The following PTPRD variants were observed in gnomAD, a reference collection of about 807,000 sequenced individuals.
PTPRD encodes protein tyrosine phosphatase receptor type D, also known as receptor-type tyrosine-protein phosphatase delta.
PTPRD carries 34 observed loss-of-function variants against 214.5 expected under a neutral mutation model. The observed-to-expected ratio is 0.16, with a 90% CI of 0.12 to 0.21. The LOEUF is 0.21. PTPRD is among the 10% of genes least tolerant of loss of function. PTPRD has a pLI of 1.00. For synonymous variants in PTPRD, 1,128 were observed against 845.7 expected (o/e 1.33, Z -5.79); for missense variants, 2,545 against 2,398.7 (o/e 1.06, Z -1.27).
At chr9:10,445,426 G>A (rs2098791887) in intron 2 of PTPRD, among the ~76,000 whole-genome samples, 1 of 152,082 alleles carries the variant, frequency 6.6e-6, no homozygotes, top group African/African-American at 2.4e-5. Flanking sequence ...GAAGTAAATG[G>A]AGGTCTACAC....
At chr9:9,707,481 A>G (rs954514419) in intron 7 of PTPRD, among the ~76,000 whole-genome samples, 1 of 152,178 alleles carries the variant, frequency 6.6e-6, no homozygotes. Context: ...TTGATGTACA[A>G]TAGAACCGGT....
At chr9:10,370,155 CAGT>C (rs1210884441) in intron 2 of PTPRD, among the ~76,000 whole-genome samples, 1 of 152,036 alleles carries the variant, frequency 6.6e-6, no homozygotes, top group Non-Finnish European at 1.5e-5. Context: ...GTTTGCTTAT[CAGT>C]AGGACGTTGT....
intron 10 of PTPRD, among the ~76,000 whole-genome samples, chr9:9,137,775 G>A (rs915095071): frequency 6.6e-6 from 1 of 152,002 alleles, no homozygotes; most frequent in African/African-American, 2.4e-5. Context: ...CTGGATTCCT[G>A]GTGCATCCAT....
chr9:9,033,240 C>G (rs2099611282), intron 10 of PTPRD, among the ~76,000 whole-genome samples: 1 of 152,046 alleles, frequency 6.6e-6, no homozygotes, highest in Non-Finnish European at 1.5e-5. Flanking sequence ...GAATGTGTGA[C>G]AGAGTTAGAA....
chr9:10,343,618 C>A (rs953917927), intron 2 of PTPRD, among the ~76,000 whole-genome samples: 1 of 152,138 alleles, frequency 6.6e-6, no homozygotes, highest in African/African-American at 2.4e-5. Flanking sequence ...TTCTATTTCT[C>A]CACAACATCT....
intron 2 of PTPRD, among the ~76,000 whole-genome samples, chr9:10,531,611 G>A (rs888560080): frequency 6.6e-6 from 1 of 152,136 alleles, no homozygotes; most frequent in African/African-American, 2.4e-5. Flanking sequence ...AGTGGTGAAA[G>A]GGAAGTTCTC....
At chr9:10,535,636 A>T (rs1017022846) in intron 2 of PTPRD, among the ~76,000 whole-genome samples, 2 of 152,138 alleles carry the variant, frequency 1.3e-5, no homozygotes, top group African/African-American at 4.8e-5. Flanking sequence ...AGCCACAAGG[A>T]TATTTCACAG....
intron 11 of PTPRD, among the ~76,000 whole-genome samples, chr9:8,929,721 A>ATATATATATGTGTG (rs2098931741): frequency 1.3e-4 from 10 of 77,388 alleles, no homozygotes; most frequent in African/African-American, 4.5e-4. Context: ...ATATATGTGT[A>ATATATATATGTGTG]TATATATATG....
chr9:10,276,145 T>C lies in PTPRD; in HGVS notation c.-545+64818A>G, dbSNP rs574434127. 6.6e-5 allele frequency among the ~76,000 whole-genome samples: 10 copies of C among 152,326 alleles called. No individual in the cohort carries two copies. In the South Asian group the frequency reaches 1.7e-3, roughly 25 times the overall value. ...AGATAGTAACCATAGAAAATGAATA[T>C]TACAAAACAGTCATTTCAAAAAATA... On this transcript the variant is annotated intron_variant, in intron 3 of 45. Transcript: ENST00000381196.
intron 4 of PTPRD, among the ~76,000 whole-genome samples, chr9:9,951,585 C>A (rs2093458430): frequency 1.3e-5 from 2 of 152,220 alleles, no homozygotes; most frequent in Non-Finnish European, 2.9e-5. Flanking sequence ...GTTTCCCCTC[C>A]CCTTGCCTGG....
chr9:9,868,529 A>G (rs1401961597), intron 5 of PTPRD, among the ~76,000 whole-genome samples: 1 of 152,018 alleles, frequency 6.6e-6, no homozygotes, highest in African/African-American at 2.4e-5. Flanking sequence ...TTCAGGAAAT[A>G]TAGCTTGAGA....
chr9:9,635,679 C>A (rs1424393426), intron 7 of PTPRD, among the ~76,000 whole-genome samples: 2 of 152,184 alleles, frequency 1.3e-5, no homozygotes, highest in African/African-American at 4.8e-5. Context: ...AGAGTCTCAA[C>A]ATGGTTCATT....
rs143665617 is a variant in PTPRD, at chr9:9,809,999, T to A, written c.-367-43148A>T. Among the ~76,000 whole-genome samples, 348 of 152,136 alleles carry A rather than the reference T, an allele frequency of 2.3e-3. 3 individuals are homozygous for A. The highest frequency in any genetic ancestry group is 8.1e-3 in the African/African-American group (336 of 41,510). ...TGAGTTCACATATATGTGGATTTTT[T>A]CCAATAAAAGTTATACCAAGTGTGC... On this transcript the variant is annotated intron_variant, in intron 5 of 45. Coordinates refer to ENST00000381196, the MANE Select transcript of PTPRD (RefSeq NM_002839.4).
At chr9:10,459,517 A>G (rs2098942946) in intron 2 of PTPRD, among the ~76,000 whole-genome samples, 1 of 152,160 alleles carries the variant, frequency 6.6e-6, no homozygotes, top group Non-Finnish European at 1.5e-5. Context: ...ACTCCCACCA[A>G]CAGTGTAAAA....
intron 10 of PTPRD, among the ~76,000 whole-genome samples, chr9:9,034,102 A>G (rs2099614125): frequency 6.6e-6 from 1 of 152,154 alleles, no homozygotes; most frequent in Non-Finnish European, 1.5e-5. Flanking sequence ...AATTTTATTT[A>G]CAAGTCACAT....
chr9:8,666,894 T>C (rs1051293146), intron 12 of PTPRD, among the ~76,000 whole-genome samples: 1 of 152,126 alleles, frequency 6.6e-6, no homozygotes, highest in South Asian at 2.1e-4. Context: ...AACTTAATAT[T>C]TTCACACTAG....
In PTPRD at chr9:9,068,304, T is replaced by G. The variant is rs978493411; in HGVS notation, c.-142-49569A>C. Among the ~76,000 whole-genome samples, 4 of 152,184 alleles carry G rather than the reference T, an allele frequency of 2.6e-5. No individual in the cohort carries two copies. The South Asian group carries it at 8.3e-4, about 32-fold the overall frequency. Reference sequence around the variant, plus strand: ...TTAGCTACTAGAAATAAAATTTCTTTGAACATTTATGTACAGGTCTGTGTT... The same window carrying G: ...TTAGCTACTAGAAATAAAATTTCTTGGAACATTTATGTACAGGTCTGTGTT... On this transcript the variant is annotated intron_variant, in intron 10 of 45. Transcript: ENST00000381196.
At chr9:10,351,817 C>T (rs980587675) in intron 2 of PTPRD, among the ~76,000 whole-genome samples, 4 of 151,864 alleles carry the variant, frequency 2.6e-5, no homozygotes, top group Non-Finnish European at 2.9e-5. Flanking sequence ...AGGCCTAGAA[C>T]ATAATAGACA....
intron 11 of PTPRD, among the ~76,000 whole-genome samples, chr9:8,790,291 C>G (rs2096174305): frequency 6.6e-6 from 1 of 152,168 alleles, no homozygotes; most frequent in South Asian, 2.1e-4. Flanking sequence ...ATTAAGATTA[C>G]AGGTGTGAGC....
Sources: gnomAD v4.1 joint callset for allele counts (sites outside exome capture counted in the v4.1 genomes callset) on GRCh38, gnomAD v4.1.1 for gene constraint, MANE v1.5 for transcripts, NCBI Gene and HGNC (gene_info 2026-07-23, HGNC 2026-07-21) for gene names.